CNBD1: variants seen among roughly 807,000 people sequenced by gnomAD.
CNBD1 encodes the protein cyclic nucleotide binding domain containing 1.
Under a neutral mutation model 54.4 loss-of-function variants are expected in CNBD1, and 71 were observed. The observed-to-expected ratio is 1.30, with a 90% CI of 1.08 to 1.59. The LOEUF (loss-of-function observed/expected upper bound fraction) is 1.59, where lower values mean the gene tolerates loss of function less well. CNBD1 is among the 40% of genes most tolerant of loss of function. The probability of loss-of-function intolerance (pLI) is 0.00; values close to 1 mark genes in which losing one functional copy is unlikely to be tolerated. For synonymous variants in CNBD1, 182 were observed against 170.7 expected (o/e 1.07, Z -0.51); for missense variants, 659 against 518.0 (o/e 1.27, Z -2.64).
intron 4 of CNBD1, among the ~76,000 whole-genome samples, chr8:86,957,796 T>G (rs182152729): frequency 6.6e-6 from 1 of 152,124 alleles, no homozygotes; most frequent in Non-Finnish European, 1.5e-5. Context: ...GGTTCATCGA[T>G]TTTTTGTAGG....
At chr8:87,331,845 G>A (rs1054376938) in intron 8 of CNBD1, among the ~76,000 whole-genome samples, 4 of 152,032 alleles carry the variant, frequency 2.6e-5, no homozygotes, top group South Asian at 4.1e-4. Context: ...ATGTTTGTTG[G>A]TCGCATAAAT....
At chr8:87,344,413 A>G (rs2130922165) in intron 8 of CNBD1, among the ~76,000 whole-genome samples, 1 of 152,222 alleles carries the variant, frequency 6.6e-6, no homozygotes, top group Middle Eastern at 3.4e-3. Flanking sequence ...ATTTTATCAT[A>G]TCATTTTAAG....
In CNBD1 at chr8:87,284,666, G is replaced by A. The variant is rs1381311450; in HGVS notation, c.772-12G>A. The A allele has an allele frequency of 2.5e-6, 4 of 1,589,744 alleles. No individual in the cohort carries two copies. Among genetic ancestry groups the A allele is most frequent in the Non-Finnish European group, 3.4e-6 (4 of 1,169,880 alleles). On this transcript the variant is annotated splice_polypyrimidine_tract_variant and intron_variant, in intron 6 of 10. Coordinates refer to ENST00000518476, the MANE Select transcript of CNBD1 (RefSeq NM_173538.3). ...GGTAATAAACATTAAATTGTCTCTG[G>A]TATTTTTACAGCTTAGCAAATGGAG... is the stretch of plus-strand genomic sequence containing the variant.
chr8:87,030,893 CT>C (rs1158185082), intron 4 of CNBD1, among the ~76,000 whole-genome samples: 2 of 91,090 alleles, frequency 2.2e-5, no homozygotes, highest in Non-Finnish European at 4.7e-5. Flanking sequence ...TTCCCCTCCC[CT>C]CTCCTCCCCA....
chr8:87,134,122 C>G (rs1812176988), intron 4 of CNBD1, among the ~76,000 whole-genome samples: 1 of 152,106 alleles, frequency 6.6e-6, no homozygotes, highest in South Asian at 2.1e-4. Flanking sequence ...TGGAAAAGGG[C>G]TACTAACTGT....
At chr8:87,174,083 C>T (rs1347258157) in intron 4 of CNBD1, among the ~76,000 whole-genome samples, 2 of 151,942 alleles carry the variant, frequency 1.3e-5, no homozygotes, top group African/African-American at 4.8e-5. Flanking sequence ...CTCAGCCTCC[C>T]GAGTGGCTGG....
intron 4 of CNBD1, among the ~76,000 whole-genome samples, chr8:86,947,932 A>G (rs1437743310): frequency 6.6e-6 from 1 of 152,128 alleles, no homozygotes; most frequent in Admixed American, 6.6e-5. Flanking sequence ...AGACTCTGGT[A>G]ACCATACTTC....
At chr8:87,366,407 C>G (rs1414085893) in intron 10 of CNBD1, among the ~76,000 whole-genome samples, 1 of 152,088 alleles carries the variant, frequency 6.6e-6, no homozygotes, top group Admixed American at 6.6e-5. Flanking sequence ...CTCCATCCAT[C>G]TGGCCCTCTC....
chr8:87,405,358 C>T (rs1807634903), intron 2 of CNBD1, among the ~76,000 whole-genome samples: 1 of 152,036 alleles, frequency 6.6e-6, no homozygotes, highest in East Asian at 1.9e-4. Flanking sequence ...CAAATAGTGG[C>T]ATTATTATAA....
At chr8:87,229,831 A>G (rs1814628326) in intron 5 of CNBD1, among the ~76,000 whole-genome samples, 1 of 152,232 alleles carries the variant, frequency 6.6e-6, no homozygotes, top group South Asian at 2.1e-4. Context: ...TAATTTTGAT[A>G]GATTTATGAA....
At chr8:87,368,673 A>G (rs899922583) in intron 10 of CNBD1, among the ~76,000 whole-genome samples, 4 of 151,924 alleles carry the variant, frequency 2.6e-5, no homozygotes, top group African/African-American at 9.7e-5. Flanking sequence ...AGAGACAGAG[A>G]GAGAAAGAGA....
At chr8:87,099,737 T>C (rs921321591) in intron 4 of CNBD1, among the ~76,000 whole-genome samples, 2 of 152,196 alleles carry the variant, frequency 1.3e-5, no homozygotes, top group Non-Finnish European at 2.9e-5. Context: ...TTGTATGATA[T>C]AAGGTTAAGA....
At position 87,341,957 on chromosome 8, in the gene CNBD1, G is replaced by A. The variant is rs149811869; in HGVS notation, c.1043-9728G>A. Among the ~76,000 whole-genome samples, 193 of 152,260 alleles carry A rather than the reference G, an allele frequency of 1.3e-3. 4 individuals are homozygous for A. In the East Asian group the frequency reaches 0.027, roughly 21 times the overall value. The stretch of plus-strand genomic sequence containing the variant: ...CACTCAGATACAGAAGCCTCTTAAT[G>A]GATTTCTGGGTTTCTTACAAACAAA... On this transcript the variant is annotated intron_variant, in intron 8 of 10. Transcript: ENST00000518476.
chr8:87,374,016 C>A (rs1402976367), intron 10 of CNBD1, among the ~76,000 whole-genome samples: 1 of 151,668 alleles, frequency 6.6e-6, no homozygotes. Context: ...TACAACTAGG[C>A]TTTTATAGTA....
chr8:86,961,072 A>G (rs1019443134), intron 4 of CNBD1, among the ~76,000 whole-genome samples: 2 of 152,228 alleles, frequency 1.3e-5, no homozygotes, highest in Non-Finnish European at 2.9e-5. Flanking sequence ...TATTTTACCA[A>G]TAATTTTAAA....
At chr8:87,425,764 G>C (rs1462351885) in intron 2 of CNBD1, among the ~76,000 whole-genome samples, 15 of 152,066 alleles carry the variant, frequency 9.9e-5, no homozygotes, top group Admixed American at 6.5e-5. Flanking sequence ...GGTTACTGCT[G>C]TCTTTTTGTT....
At chr8:87,293,265 C>T (rs371364109) in intron 8 of CNBD1, among the ~76,000 whole-genome samples, 3 of 152,080 alleles carry the variant, frequency 2.0e-5, no homozygotes, top group African/African-American at 4.8e-5. Context: ...TAAAGTCAGG[C>T]CGGACACAGT....
At chr8:86,892,404 T>C (rs1375021852) in intron 2 of CNBD1, among the ~76,000 whole-genome samples, 5 of 152,102 alleles carry the variant, frequency 3.3e-5, no homozygotes, top group African/African-American at 1.2e-4. Flanking sequence ...TATGATAGAA[T>C]CATAGAATTG....
intron 4 of CNBD1, among the ~76,000 whole-genome samples, chr8:87,090,803 G>C (rs1393128363): frequency 6.6e-6 from 1 of 152,078 alleles, no homozygotes; most frequent in African/African-American, 2.4e-5. Context: ...TTATTTAAAT[G>C]ATAGCTTATG....
Sources: allele counts gnomAD v4.1 joint callset (sites outside exome capture counted in the v4.1 genomes callset), GRCh38; gene constraint gnomAD v4.1.1; transcripts MANE v1.5; gene names NCBI Gene and HGNC (gene_info 2026-07-23, HGNC 2026-07-21).